Variants in PDE7A observed in about 807,000 individuals in gnomAD.
PDE7A encodes the protein high affinity 3',5'-cyclic-AMP phosphodiesterase 7A.
A neutral mutation model predicts 64.3 loss-of-function variants in PDE7A; 39 were observed. The ratio of observed to expected loss-of-function variants is 0.61; its 90% CI spans 0.47 to 0.79. PDE7A has a LOEUF of 0.79. Among genes scored for constraint, PDE7A ranks in the 30% least tolerant of loss-of-function variants. PDE7A has a pLI of 0.00. For synonymous variants in PDE7A, 203 were observed against 206.8 expected (o/e 0.98, Z 0.16); for missense variants, 470 against 582.8 (o/e 0.81, Z 1.99).
intron 1 of PDE7A, among the ~76,000 whole-genome samples, chr8:65,800,380 A>AT: frequency 6.6e-6 from 1 of 152,330 alleles, no homozygotes; most frequent in East Asian, 1.9e-4. Context: ...TACCTGCAAC[A>AT]TGTAAGCCCC....
chr8:65,798,200 A>ATT (rs1276764898), intron 1 of PDE7A, among the ~76,000 whole-genome samples: 369 of 21,392 alleles, frequency 0.017, 8 homozygotes, highest in African/African-American at 0.069. Flanking sequence ...ATATATATAT[A>ATT]TATATATTTT....
chr8:65,782,633 A>G lies in PDE7A; in HGVS notation c.199+150T>C, dbSNP rs1809448314. On this transcript the variant is annotated intron_variant, in intron 2 of 12. Coordinates refer to ENST00000401827, the MANE Select transcript of PDE7A (RefSeq NM_001242318.3). ...CCTCTCTTTATTCACATCACATTCA[A>G]TATTGGTTTCCAGACTCTAAACTCC... 12 of 568,278 alleles carry G rather than the reference A, an allele frequency of 2.1e-5. No homozygotes were observed. In the South Asian group the frequency reaches 2.4e-4, roughly 12 times the overall value. The allele number at this position is 568,278 out of a possible 1,614,324, so 35.2% of individuals were successfully genotyped here. A position where few individuals can be genotyped will look rare whatever the true frequency, so the allele number is the denominator to read the frequency against.
chr8:65,807,565 C>A (rs1810141335), intron 1 of PDE7A, among the ~76,000 whole-genome samples: 1 of 152,034 alleles, frequency 6.6e-6, no homozygotes, highest in African/African-American at 2.4e-5. Context: ...TAGTTCAATG[C>A]TGAATACAAG....
chr8:65,831,292 C>T (rs931077195), intron 1 of PDE7A, among the ~76,000 whole-genome samples: 1 of 152,066 alleles, frequency 6.6e-6, no homozygotes, highest in African/African-American at 2.4e-5. Context: ...CTTATCTACC[C>T]CCCTCTACAA....
chr8:65,820,401 A>G (rs1810514846), intron 1 of PDE7A, among the ~76,000 whole-genome samples: 1 of 152,170 alleles, frequency 6.6e-6, no homozygotes, highest in Non-Finnish European at 1.5e-5. Flanking sequence ...GTTTCAAAAA[A>G]AAGAAAAGGA....
intron 12 of PDE7A, chr8:65,719,761 G>A: frequency 4.6e-6 from 2 of 438,796 alleles, no homozygotes; most frequent in Non-Finnish European, 8.3e-6. Flanking sequence ...CCTTCTCAGT[G>A]GCACAACTAC....
In PDE7A at chr8:65,724,802, G is replaced by A. The variant is rs753179314; in HGVS notation, c.1040C>T (p.Thr347Ile). The A allele has an allele frequency of 9.9e-6, 16 of 1,608,568 alleles. No individual in the cohort carries two copies. The highest frequency in any genetic ancestry group is 1.1e-5 in the Non-Finnish European group (13 of 1,177,254). ...LDRGDLCLED[T>I]RHRHLVLQMA... ...CTGTAAAACCAAATGTCTGTGTCTG[G>A]TGTCTTCTAGGCATAAATCACCTCT... The change falls in exon 10 of 13, where the codon ACC becomes ATC. Residue 347 changes from threonine (T) to isoleucine (I), a missense_variant. Transcript: ENST00000401827.
intron 5 of PDE7A, among the ~76,000 whole-genome samples, chr8:65,742,983 G>C (rs1807509436): frequency 6.6e-6 from 1 of 152,212 alleles, no homozygotes; most frequent in African/African-American, 2.4e-5. Context: ...CCCATCCAGT[G>C]CACTGCTGAG....
At chr8:65,762,608 T>C (rs926568784) in intron 3 of PDE7A, among the ~76,000 whole-genome samples, 8 of 152,190 alleles carry the variant, frequency 5.3e-5, no homozygotes, top group Non-Finnish European at 1.2e-4. Flanking sequence ...TTAAATGAGA[T>C]AATATATGCA....
intron 1 of PDE7A, among the ~76,000 whole-genome samples, chr8:65,814,041 A>G (rs928049578): frequency 3.9e-5 from 6 of 152,154 alleles, no homozygotes; most frequent in Non-Finnish European, 8.8e-5. Context: ...AACTAATTTT[A>G]AAAGTGGTAT....
At chr8:65,812,910 G>A (rs1387940010) in intron 1 of PDE7A, among the ~76,000 whole-genome samples, 6 of 152,084 alleles carry the variant, frequency 3.9e-5, no homozygotes, top group East Asian at 1.9e-4. Flanking sequence ...ACAGATACCC[G>A]CACTGTTCAA....
intron 3 of PDE7A, among the ~76,000 whole-genome samples, chr8:65,750,965 CA>C (rs1356919656): frequency 3.3e-5 from 5 of 152,188 alleles, no homozygotes; most frequent in Non-Finnish European, 7.3e-5. Context: ...AGATTAATCT[CA>C]TAAAGAAACC....
chr8:65,747,941 T>G (rs1807757822), intron 3 of PDE7A, 138 bp from the exon 4 acceptor site: 1 of 490,530 alleles, frequency 2.0e-6, no homozygotes, highest in African/African-American at 2.0e-5. Flanking sequence ...ATGAAAGAAG[T>G]GATACTTTAT....
chr8:65,745,558 G>T, intron 4 of PDE7A, 88 bp from the exon 5 acceptor site: 2 of 727,404 alleles, frequency 2.7e-6, no homozygotes, highest in Non-Finnish European at 4.8e-6. Context: ...TAAAGAAAAT[G>T]TAAAGTGATT....
intron 7 of PDE7A, among the ~76,000 whole-genome samples, chr8:65,729,364 C>CTT (rs10540107): frequency 0.028 from 2,254 of 79,852 alleles, 7 homozygotes; most frequent in Non-Finnish European, 0.04. Flanking sequence ...TTGGTGGTAG[C>CTT]TTTTTTTTTT....
At chr8:65,749,556 C>A (rs1363984369) in intron 3 of PDE7A, among the ~76,000 whole-genome samples, 1 of 152,138 alleles carries the variant, frequency 6.6e-6, no homozygotes, top group East Asian at 1.9e-4. Context: ...TATGTTTAAA[C>A]TAGAATTGGT....
chr8:65,809,983 G>A (rs570666756), intron 1 of PDE7A, among the ~76,000 whole-genome samples: 13 of 152,210 alleles, frequency 8.5e-5, no homozygotes, highest in East Asian at 7.7e-4. Flanking sequence ...TTGACCCAGC[G>A]ATATCATTAC....
chr8:65,733,446 A>AT (rs950496082), intron 7 of PDE7A, among the ~76,000 whole-genome samples: 1 of 152,108 alleles, frequency 6.6e-6, no homozygotes, highest in Non-Finnish European at 1.5e-5. Context: ...TGGCCCAGAG[A>AT]TTTTTTTGAA....
intron 7 of PDE7A, 43 bp from the exon 8 acceptor site, chr8:65,727,344 A>C: frequency 1.9e-6 from 3 of 1,609,818 alleles, no homozygotes; most frequent in African/African-American, 1.3e-5. Context: ...ATATATCTAA[A>C]ATAAGCTCTA....
Sources: gnomAD v4.1 joint callset for allele counts (sites outside exome capture counted in the v4.1 genomes callset) on GRCh38, gnomAD v4.1.1 for gene constraint, MANE v1.5 for transcripts, NCBI Gene and HGNC (gene_info 2026-07-23, HGNC 2026-07-21) for gene names.